FMN1: variants seen among roughly 807,000 people sequenced by gnomAD.
FMN1 encodes formin-1.
In FMN1, 110 loss-of-function variants were observed where a neutral mutation model predicts 132.4. The ratio of observed to expected loss-of-function variants is 0.83; its 90% CI spans 0.71 to 0.97. The LOEUF is 0.97. Ranked by LOEUF, FMN1 falls within the 50% of genes least tolerant of loss-of-function variation. FMN1 has a pLI of 0.00. For missense variants in FMN1, 1,792 were observed against 1,705.3 expected (o/e 1.05, Z -0.90); for synonymous variants, 722 against 651.7 (o/e 1.11, Z -1.64).
At chr15:32,912,074 AAAC>A (rs2060575016) in intron 10 of FMN1, among the ~76,000 whole-genome samples, 1 of 152,240 alleles carries the variant, frequency 6.6e-6, no homozygotes, top group South Asian at 2.1e-4. Flanking sequence ...GTCAAATTCT[AAAC>A]AATAATCTAC....
chr15:32,856,678 T>C (rs1298276126), intron 17 of FMN1, among the ~76,000 whole-genome samples: 1 of 152,240 alleles, frequency 6.6e-6, no homozygotes, highest in African/African-American at 2.4e-5. Context: ...CATGACCACA[T>C]CTGCCTTACA....
At chr15:33,030,171 C>CA (rs1050184681) in intron 6 of FMN1, among the ~76,000 whole-genome samples, 3 of 152,036 alleles carry the variant, frequency 2.0e-5, no homozygotes, top group Admixed American at 6.6e-5. Flanking sequence ...AATAAACAAA[C>CA]AAAAAACTAA....
chr15:32,792,490 C>T (rs2057123384), intron 19 of FMN1, among the ~76,000 whole-genome samples: 1 of 151,578 alleles, frequency 6.6e-6, no homozygotes, highest in South Asian at 2.1e-4. Context: ...AAAAAACTAG[C>T]AGTGGCAAAG....
chr15:33,114,393 A>G (rs755189276), intron 4 of FMN1, among the ~76,000 whole-genome samples: 3 of 152,242 alleles, frequency 2.0e-5, no homozygotes, highest in African/African-American at 4.8e-5. Flanking sequence ...ACATAAATAT[A>G]TGCAGAAATG....
At chr15:33,044,163 G>A (rs1431218409) in intron 6 of FMN1, among the ~76,000 whole-genome samples, 2 of 152,258 alleles carry the variant, frequency 1.3e-5, no homozygotes, top group African/African-American at 2.4e-5. Flanking sequence ...GGGCACCAAT[G>A]AGCATGGGAT....
chr15:32,935,114 G>A (rs934340643), intron 9 of FMN1, among the ~76,000 whole-genome samples: 7 of 151,910 alleles, frequency 4.6e-5, no homozygotes, highest in Admixed American at 4.6e-4. Context: ...GTAGAGATGG[G>A]GTTTCACCAT....
rs570854143 is a variant in FMN1 at position 33,067,626 on chromosome 15, C to T, written c.2044-2552G>A. ...TCATCATTTCCGAGGTCAGGTGAAACCCGAGACCCTGCTTCCTGTGGATCC... is the reference window on the plus strand; with the variant it reads ...TCATCATTTCCGAGGTCAGGTGAAATCCGAGACCCTGCTTCCTGTGGATCC... On this transcript the variant is annotated intron_variant, in intron 5 of 20. Coordinates refer to ENST00000616417, the MANE Select transcript of FMN1 (RefSeq NM_001277313.2). 9 of 1,614,012 alleles carry T rather than the reference C, an allele frequency of 5.6e-6. No individual in the cohort carries two copies. The African/African-American group carries it at 1.1e-4, about 19-fold the overall frequency.
At chr15:33,097,413 G>A (rs2039130711) in intron 4 of FMN1, among the ~76,000 whole-genome samples, 1 of 151,782 alleles carries the variant, frequency 6.6e-6, no homozygotes, top group South Asian at 2.1e-4. Context: ...TTAACCCACA[G>A]ATCACAGTAG....
intron 2 of FMN1, among the ~76,000 whole-genome samples, chr15:33,190,552 A>G (rs1455233724): frequency 6.6e-6 from 1 of 152,086 alleles, no homozygotes; most frequent in Non-Finnish European, 1.5e-5. Flanking sequence ...GTGGATAGAT[A>G]CTCACGTGGG....
rs1414726240 is a variant in FMN1, at chr15:33,154,060, C to T, written c.855G>A (p.Pro285=). 8 of 1,535,926 alleles carry T rather than the reference C, an allele frequency of 5.2e-6. No homozygotes were observed. Among genetic ancestry groups the T allele is most frequent in the South Asian group, 3.6e-5 (3 of 84,058 alleles). ...CTGTTTGCTGATGCTCCAGCCCGCT[C>T]GGCGGCCTCCGAATGCCATCCCCTC... is the stretch of plus-strand genomic sequence containing the variant. ...EAGGDGIRRP[P]SGLEHQQTGL... Residue 285 remains proline (P), a synonymous_variant, in exon 4 of 21, where the codon CCG becomes CCA. Transcript: ENST00000616417.
At chr15:33,070,300 C>T (rs1044849308) in intron 5 of FMN1, among the ~76,000 whole-genome samples, 1 of 151,616 alleles carries the variant, frequency 6.6e-6, no homozygotes, top group African/African-American at 2.4e-5. Flanking sequence ...CCACCGCGCC[C>T]GGCCTAAGAT....
chr15:32,960,069 C>T (rs1057248063), intron 9 of FMN1, among the ~76,000 whole-genome samples: 6 of 152,180 alleles, frequency 3.9e-5, no homozygotes, highest in African/African-American at 1.4e-4. Flanking sequence ...AAAAAGCCAG[C>T]CTGGCTACAA....
intron 6 of FMN1, among the ~76,000 whole-genome samples, chr15:33,031,239 T>G (rs1261131808): frequency 2.0e-5 from 3 of 152,012 alleles, no homozygotes; most frequent in African/African-American, 7.3e-5. Context: ...CTATCCAAAC[T>G]CAATAAATGT....
intron 17 of FMN1, among the ~76,000 whole-genome samples, chr15:32,816,690 T>C (rs2058070121): frequency 6.8e-6 from 1 of 147,098 alleles, no homozygotes. Context: ...AGGTTCCTGC[T>C]GAAAAACTGT....
intron 20 of FMN1, among the ~76,000 whole-genome samples, chr15:32,776,382 G>T (rs962417777): frequency 2.0e-5 from 3 of 152,258 alleles, no homozygotes. Flanking sequence ...ATCTGGTCCT[G>T]GCTTTTGTTA....
At chr15:33,096,696 C>T (rs185950043) in intron 4 of FMN1, among the ~76,000 whole-genome samples, 24 of 152,054 alleles carry the variant, frequency 1.6e-4, no homozygotes, top group African/African-American at 5.8e-4. Flanking sequence ...ACCTCCCGGG[C>T]TCAGGTGACA....
At chr15:32,961,228 G>A (rs1286526241) in intron 9 of FMN1, among the ~76,000 whole-genome samples, 6 of 150,448 alleles carry the variant, frequency 4.0e-5, no homozygotes, top group African/African-American at 1.5e-4. Context: ...CTGCCTCCTG[G>A]GTTAAAGCGA....
chr15:33,017,566 T>C (rs964791441), intron 6 of FMN1, among the ~76,000 whole-genome samples: 1 of 152,130 alleles, frequency 6.6e-6, no homozygotes, highest in African/African-American at 2.4e-5. Flanking sequence ...AATTTCTATA[T>C]CAGAAAAATA....
At position 32,901,303 on chromosome 15, in the gene FMN1, A is replaced by G. The variant is rs200511725; in HGVS notation, c.3507+608T>C. The stretch of plus-strand genomic sequence containing the variant: ...ACTGAAATATCTCATATCTTAGAGG[A>G]AAAAAAATCATTTCTCCAAATAAGG... On this transcript the variant is annotated intron_variant, in intron 13 of 20. Coordinates refer to ENST00000616417, the MANE Select transcript of FMN1 (RefSeq NM_001277313.2). 2.6e-5 allele frequency among the ~76,000 whole-genome samples: 4 copies of G among 152,246 alleles called. No individual in the cohort carries two copies. In the East Asian group the frequency reaches 5.8e-4, roughly 22 times the overall value.
Sources: allele counts gnomAD v4.1 joint callset (sites outside exome capture counted in the v4.1 genomes callset), GRCh38; gene constraint gnomAD v4.1.1; transcripts MANE v1.5; gene names NCBI Gene and HGNC (gene_info 2026-07-23, HGNC 2026-07-21).